The following PHIP variants were observed in gnomAD, a reference collection of about 807,000 sequenced individuals.
PHIP encodes PHIP subunit of CUL4-Ring ligase complex, also known as PH-interacting protein.
Under a neutral mutation model 236.8 loss-of-function variants are expected in PHIP, and 54 were observed. The ratio of observed to expected loss-of-function variants is 0.23; its 90% CI spans 0.18 to 0.29. PHIP has a LOEUF of 0.29. Ranked by LOEUF, PHIP falls within the 10% of genes least tolerant of loss-of-function variation. The probability of loss-of-function intolerance (pLI) is 1.00; values close to 1 mark genes in which losing one functional copy is unlikely to be tolerated. For missense variants in PHIP, 1,370 were observed against 2,190.8 expected (o/e 0.63, Z 7.48); for synonymous variants, 756 against 718.9 (o/e 1.05, Z -0.83).
At position 78,937,112 on chromosome 6, in the gene PHIP, T is replaced by TA. The variant is rs1429281898; in HGVS notation, c.*3580dup. The TA allele has an allele frequency of 6.6e-6, 1 of 151,760 alleles. No homozygotes were observed. Among genetic ancestry groups the TA allele is most frequent in the Non-Finnish European group, 1.5e-5 (1 of 67,692 alleles). 9.4% of individuals were successfully genotyped at this position (151,760 alleles called of 1,614,324 possible). ...AACTCCTGCATATAAGCAGAACACT[T>TA]ACAGTCCTTTAATCACTCAAGTATC... On this transcript the variant is annotated 3_prime_UTR_variant, in exon 40 of 40. Transcript: ENST00000275034.
At chr6:78,994,577 A>AAAAAG (rs59170399) in intron 19 of PHIP, among the ~76,000 whole-genome samples, 138,776 of 150,994 alleles carry the variant, frequency 0.92, 63,909 homozygotes, top group East Asian at 0.99. Flanking sequence ...ACTCTGTCTC[A>AAAAAG]AAAAGAAAAG....
chr6:79,028,984 G>C (rs973258118), intron 7 of PHIP, among the ~76,000 whole-genome samples: 1 of 152,156 alleles, frequency 6.6e-6, no homozygotes, highest in South Asian at 2.1e-4. Flanking sequence ...CAATTAAAAT[G>C]TAACAGGAAG....
chr6:78,953,352 C>A (rs9448600), intron 35 of PHIP, among the ~76,000 whole-genome samples: 51,171 of 152,028 alleles, frequency 0.34, 8,773 homozygotes, highest in Non-Finnish European at 0.35. Context: ...AATACTTGTG[C>A]CTCTAGAATA....
chr6:79,006,032 T>C (rs1770274052), intron 15 of PHIP, among the ~76,000 whole-genome samples: 1 of 152,026 alleles, frequency 6.6e-6, no homozygotes. Context: ...ACAGTATTAA[T>C]TTTCTTGGTA....
chr6:79,070,523 T>C (rs1187684832), intron 4 of PHIP, among the ~76,000 whole-genome samples: 1 of 152,224 alleles, frequency 6.6e-6, no homozygotes, highest in East Asian at 1.9e-4. Flanking sequence ...ACAAGGTATG[T>C]ATTTCTTGCA....
chr6:79,024,559 C>T (rs1289687276), intron 9 of PHIP, among the ~76,000 whole-genome samples: 3 of 152,180 alleles, frequency 2.0e-5, no homozygotes, highest in African/African-American at 7.2e-5. Context: ...AATCCCAACA[C>T]TTTGGGAGGC....
chr6:78,973,424 T>C (rs1016162832), intron 24 of PHIP, among the ~76,000 whole-genome samples: 9 of 146,396 alleles, frequency 6.1e-5, no homozygotes, highest in African/African-American at 2.3e-4. Context: ...TGCAAAATCA[T>C]GCCAAAATGT....
intron 21 of PHIP, 127 bp downstream of exon 21, chr6:78,988,079 TATC>T (rs1299569153): frequency 1.1e-5 from 6 of 528,000 alleles, no homozygotes; most frequent in Non-Finnish European, 1.5e-5. Context: ...ATAAAAGCTG[TATC>T]ATAAGACCCC....
chr6:78,988,116 C>A lies in PHIP; in HGVS notation c.2460+93G>T, dbSNP rs1582174720. The A allele has an allele frequency of 6.4e-6, 6 of 930,586 alleles. No homozygotes were observed. In the East Asian group the frequency reaches 1.7e-4, roughly 26 times the overall value. 57.6% of individuals were successfully genotyped at this position (930,586 alleles called of 1,614,324 possible). On this transcript the variant is annotated intron_variant, in intron 21 of 39. Coordinates refer to ENST00000275034, the MANE Select transcript of PHIP (RefSeq NM_017934.7). ...CCAAAATGCCATATTTAAGCTACATCTACAAACATATCAATAAATGCGAAG... is the reference window on the plus strand; with the variant it reads ...CCAAAATGCCATATTTAAGCTACATATACAAACATATCAATAAATGCGAAG...
intron 28 of PHIP, 80 bp from the exon 29 acceptor site, chr6:78,965,844 T>C (rs1582123142): frequency 8.5e-7 from 1 of 1,181,264 alleles, no homozygotes; most frequent in East Asian, 2.3e-5. Context: ...ATCAAAATAA[T>C]TGCTTCTGTG....
At chr6:78,972,551 A>G (rs1223564762) in intron 24 of PHIP, among the ~76,000 whole-genome samples, 1 of 152,290 alleles carries the variant, frequency 6.6e-6, no homozygotes, top group East Asian at 1.9e-4. Context: ...GAGCTGAGAG[A>G]AGAAGGCTTC....
At chr6:78,971,654 C>A (rs1315047794) in intron 24 of PHIP, among the ~76,000 whole-genome samples, 1 of 152,064 alleles carries the variant, frequency 6.6e-6, no homozygotes, top group Non-Finnish European at 1.5e-5. Flanking sequence ...ACAGTGGGCG[C>A]AGGTCAGTGG....
intron 4 of PHIP, among the ~76,000 whole-genome samples, chr6:79,062,901 T>C (rs1773448062): frequency 2.0e-5 from 3 of 152,234 alleles, no homozygotes; most frequent in African/African-American, 7.2e-5. Flanking sequence ...CTGCCTTCCA[T>C]GACCTATTTA....
intron 24 of PHIP, among the ~76,000 whole-genome samples, chr6:78,978,081 A>G (rs567123435): frequency 6.6e-6 from 1 of 152,122 alleles, no homozygotes; most frequent in South Asian, 2.1e-4. Context: ...TCACAAGTAC[A>G]TATTCTAAAA....
intron 6 of PHIP, among the ~76,000 whole-genome samples, chr6:79,056,353 A>G (rs1446309432): frequency 6.6e-6 from 1 of 152,234 alleles, no homozygotes; most frequent in Non-Finnish European, 1.5e-5. Flanking sequence ...GAACTGCCAA[A>G]GAGTTGTACT....
At chr6:79,031,515 T>C (rs1771670858) in intron 7 of PHIP, among the ~76,000 whole-genome samples, 3 of 152,220 alleles carry the variant, frequency 2.0e-5, no homozygotes, top group South Asian at 2.1e-4. Flanking sequence ...ATATTATTTA[T>C]GAGAAAGTGT....
intron 24 of PHIP, among the ~76,000 whole-genome samples, chr6:78,974,174 A>G (rs7751287): frequency 0.45 from 68,182 of 151,830 alleles, 15,979 homozygotes; most frequent in East Asian, 0.69. Context: ...ATAACAAACT[A>G]TCTCTCAGAC....
At chr6:79,057,073 C>T (rs1482647242) in intron 6 of PHIP, among the ~76,000 whole-genome samples, 1 of 152,056 alleles carries the variant, frequency 6.6e-6, no homozygotes, top group Non-Finnish European at 1.5e-5. Flanking sequence ...CTTGGAGTAA[C>T]AAGGTTCAGA....
Position 79,064,357 on chromosome 6 carries a change from C to T in PHIP, c.190-3539G>A, listed in dbSNP as rs1490043981. The stretch of plus-strand genomic sequence containing the variant: ...ATCCAACACCTCCCCACCCAAATAT[C>T]CTGGCTACCCCTTTCCCGTTCTCTT... On this transcript the variant is annotated intron_variant, in intron 4 of 39. Transcript: ENST00000275034. Among the ~76,000 whole-genome samples the T allele has an allele frequency of 3.9e-5, 6 of 152,270 alleles. No homozygotes were observed. In the South Asian group the frequency reaches 1.0e-3, roughly 26 times the overall value.
Sources: allele counts gnomAD v4.1 joint callset (sites outside exome capture counted in the v4.1 genomes callset), GRCh38; gene constraint gnomAD v4.1.1; transcripts MANE v1.5; gene names NCBI Gene and HGNC (gene_info 2026-07-23, HGNC 2026-07-21).